The following ZC3H18 variants were observed in gnomAD, a reference collection of about 807,000 sequenced individuals.
ZC3H18 encodes the protein zinc finger CCCH-type containing 18.
In ZC3H18, 8 loss-of-function variants were observed where a neutral mutation model predicts 106.1. That is an observed-to-expected ratio of 0.08 (90% confidence interval 0.04 to 0.14). The LOEUF (loss-of-function observed/expected upper bound fraction) is 0.14, where lower values mean the gene tolerates loss of function less well. ZC3H18 is among the 10% of genes least tolerant of loss of function. The probability of loss-of-function intolerance (pLI) is 1.00; values close to 1 mark genes in which losing one functional copy is unlikely to be tolerated. For missense variants in ZC3H18, 1,318 were observed against 1,278.4 expected (o/e 1.03, Z -0.47); for synonymous variants, 635 against 522.1 (o/e 1.22, Z -2.95).
At chr16:88,589,872 T>G (rs1416830932) in intron 3 of ZC3H18, among the ~76,000 whole-genome samples, 1 of 152,256 alleles carries the variant, frequency 6.6e-6, no homozygotes, top group Non-Finnish European at 1.5e-5. Flanking sequence ...TAGAACTAGC[T>G]AGTGGTGATG....
chr16:88,630,629 CCA>C (rs1906606355), intron 17 of ZC3H18, 48 bp downstream of exon 17: 16 of 1,515,668 alleles, frequency 1.1e-5, no homozygotes, highest in Non-Finnish European at 1.4e-5. Context: ...GGGGCCAGCC[CCA>C]GTCGCTTCCC....
At chr16:88,570,640 C>A (rs1273884898) in intron 1 of ZC3H18, 74 bp downstream of exon 1, 1 of 150,546 alleles carries the variant, frequency 6.6e-6, no homozygotes, top group Non-Finnish European at 1.5e-5. Context: ...GAGGCGGCGG[C>A]GGCGGCCGCG....
intron 3 of ZC3H18, 83 bp downstream of exon 3, chr16:88,586,767 C>T (rs1915461931): frequency 9.1e-7 from 1 of 1,095,034 alleles, no homozygotes; most frequent in Non-Finnish European, 1.4e-6. Flanking sequence ...CCTTGCCAGG[C>T]CCTGCTCTGC....
At position 88,627,871 on chromosome 16, in the gene ZC3H18, C is replaced by T. The variant is rs1307322651; in HGVS notation, c.2270-49C>T. On this transcript the variant is annotated intron_variant, in intron 14 of 17. Transcript: ENST00000301011. This position sits in a 1 kb window ranked among gnomAD's most constrained non-coding sequence, Gnocchi z 4.5. ...GACTTTGCCTGGCTGTTGGTGTGGCCATGGGAAAATCACCAGTACCCCCAT... is the reference window on the plus strand; with the variant it reads ...GACTTTGCCTGGCTGTTGGTGTGGCTATGGGAAAATCACCAGTACCCCCAT... 1 of 1,613,086 alleles carries T rather than the reference C, an allele frequency of 6.2e-7. No individual in the cohort carries two copies. The highest frequency in any genetic ancestry group is 8.5e-7 in the Non-Finnish European group (1 of 1,179,800).
chr16:88,630,404 G>A, intron 16 of ZC3H18, 81 bp from the exon 17 acceptor site: 1 of 1,095,962 alleles, frequency 9.1e-7, no homozygotes, highest in South Asian at 1.4e-5. Context: ...TTAGAAGTGA[G>A]TCCCTGGCAT....
intron 2 of ZC3H18, among the ~76,000 whole-genome samples, chr16:88,584,409 A>G (rs1395536684): frequency 6.6e-6 from 1 of 151,584 alleles, no homozygotes; most frequent in African/African-American, 2.4e-5. Flanking sequence ...GCGACAGAGC[A>G]GGACTCTGTC....
intron 11 of ZC3H18, 74 bp downstream of exon 11, chr16:88,624,136 A>C (rs1326893064): frequency 5.7e-6 from 9 of 1,569,868 alleles, no homozygotes; most frequent in East Asian, 4.5e-5. Context: ...CTCCGTCTCT[A>C]TCTCTCATTT....
chr16:88,619,752 C>T (rs1905845726), intron 8 of ZC3H18, among the ~76,000 whole-genome samples: 1 of 152,176 alleles, frequency 6.6e-6, no homozygotes, highest in African/African-American at 2.4e-5. Flanking sequence ...TACAGCTTCA[C>T]CCGAAGAAGA....
At chr16:88,624,170 G>T in intron 11 of ZC3H18, 108 bp downstream of exon 11, 1 of 1,476,240 alleles carries the variant, frequency 6.8e-7, no homozygotes. Context: ...AAGAGGTGAG[G>T]ATGCCTCAGG....
intron 2 of ZC3H18, among the ~76,000 whole-genome samples, chr16:88,584,632 G>A (rs2064866510): frequency 6.6e-6 from 1 of 152,160 alleles, no homozygotes; most frequent in African/African-American, 2.4e-5. Context: ...GGTGACTGGG[G>A]TCAGTGTGTA....
At chr16:88,625,154 G>T (rs1906222982) in intron 12 of ZC3H18, 48 bp from the exon 13 acceptor site, 2 of 1,552,632 alleles carry the variant, frequency 1.3e-6, no homozygotes, top group Non-Finnish European at 1.7e-6. Context: ...GGCCGCGAGG[G>T]GCTGTGGAGG....
chr16:88,599,565 G>A (rs945280294), intron 5 of ZC3H18, among the ~76,000 whole-genome samples: 18 of 152,200 alleles, frequency 1.2e-4, no homozygotes, highest in Non-Finnish European at 4.4e-5. Context: ...ACCTCATGTG[G>A]GCACACGGAG....
rs765427604 is a variant in ZC3H18 at position 88,599,962 on chromosome 16, C to G, written c.1088+14C>G. The stretch of plus-strand genomic sequence containing the variant: ...CAGAGACACAGTGTAAGGAATGGCC[C>G]TGCCTGCCCCTCCGTTTCCTTCCTG... On this transcript the variant is annotated intron_variant, in intron 6 of 17. Transcript: ENST00000301011. 2 of 1,612,636 alleles carry G rather than the reference C, an allele frequency of 1.2e-6. No individual in the cohort carries two copies.
chr16:88,620,442 G>A (rs1334285422), intron 8 of ZC3H18, among the ~76,000 whole-genome samples: 1 of 152,154 alleles, frequency 6.6e-6, no homozygotes, highest in African/African-American at 2.4e-5. Flanking sequence ...TGACCTGGGT[G>A]TGGTGGTGCA....
chr16:88,624,286 G>C (rs531350430), intron 11 of ZC3H18: 1 of 686,420 alleles, frequency 1.5e-6, no homozygotes, highest in East Asian at 2.7e-5. Context: ...TGGGGACAGA[G>C]CACAGCCCTG....
intron 8 of ZC3H18, among the ~76,000 whole-genome samples, chr16:88,618,828 T>C (rs1029053959): frequency 5.3e-5 from 8 of 152,218 alleles, no homozygotes; most frequent in African/African-American, 1.9e-4. Flanking sequence ...TCCAGATCTG[T>C]CCTGGCCCAG....
At chr16:88,628,583 G>A in intron 15 of ZC3H18, 175 bp from the exon 16 acceptor site, 3 of 641,718 alleles carry the variant, frequency 4.7e-6, no homozygotes, top group African/African-American at 1.8e-5. Context: ...CACAGTGGGG[G>A]TGCCCTTGGT....
intron 8 of ZC3H18, among the ~76,000 whole-genome samples, chr16:88,617,301 G>A (rs763217963): frequency 1.1e-4 from 17 of 152,066 alleles, no homozygotes; most frequent in Admixed American, 3.3e-4. Context: ...TGGACCTGCG[G>A]CTGGAGACGG....
In ZC3H18 at chr16:88,631,646, T is replaced by TCCCTAGCCCGGGTCCAGGCAG; in HGVS notation, c.*350_*370dup. The TCCCTAGCCCGGGTCCAGGCAG allele has an allele frequency of 6.3e-6, 3 of 475,168 alleles. No homozygotes were observed. The highest frequency in any genetic ancestry group is 1.2e-5 in the Non-Finnish European group (3 of 240,026). 29.4% of individuals were successfully genotyped at this position (475,168 alleles called of 1,614,324 possible). A position where few individuals can be genotyped will look rare whatever the true frequency, so the allele number is the denominator to read the frequency against. ...AGGCCTGTGGAGCCCCAGCTCTGGGTCCCTAGCCCGGGTCCAGGCAGCCAG... is the reference window on the plus strand; with the variant it reads ...AGGCCTGTGGAGCCCCAGCTCTGGGTCCCTAGCCCGGGTCCAGGCAGCCCTAGCCCGGGTCCAGGCAGCCAG... On this transcript the variant is annotated 3_prime_UTR_variant, in exon 18 of 18. Transcript: ENST00000301011.
Sources: allele counts gnomAD v4.1 joint callset (sites outside exome capture counted in the v4.1 genomes callset), GRCh38; gene constraint gnomAD v4.1.1; non-coding constraint Gnocchi (gnomAD v3.1); transcripts MANE v1.5; gene names NCBI Gene and HGNC (gene_info 2026-07-23, HGNC 2026-07-21).